The following CLN6 variants were observed in gnomAD, a reference collection of about 807,000 sequenced individuals.
CLN6 encodes CLN6 transmembrane ER protein, also known as ceroid-lipofuscinosis neuronal protein 6.
A neutral mutation model predicts 33.3 loss-of-function variants in CLN6; 22 were observed. The observed-to-expected ratio is 0.66, with a 90% CI of 0.47 to 0.94. CLN6 has a LOEUF of 0.94. Ranked by LOEUF, CLN6 falls within the 40% of genes least tolerant of loss-of-function variation. The probability of loss-of-function intolerance (pLI) is 0.00; values close to 1 mark genes in which losing one functional copy is unlikely to be tolerated. For missense variants in CLN6, 387 were observed against 417.1 expected, an observed-to-expected ratio of 0.93 and a Z score of 0.63; for synonymous variants, 201 against 174.6, an observed-to-expected ratio of 1.15 and a Z score of -1.19.
At position 68,256,666 on chromosome 15, in the gene CLN6, T is replaced by G. The variant is rs563621804; in HGVS notation, c.179+24A>C. 1.3e-5 allele frequency: 8 copies of G among 631,512 alleles called. No homozygotes were observed. The highest frequency in any genetic ancestry group is 2.5e-5 in the Admixed American group (1 of 39,232). 39.1% of individuals were successfully genotyped at this position (631,512 alleles called of 1,614,324 possible). A position where few individuals can be genotyped will look rare whatever the true frequency, so the allele number is the denominator to read the frequency against. On this transcript the variant is annotated intron_variant, in intron 1 of 6. Coordinates refer to the CLN6 transcript ENST00000538696. This position sits in a 1 kb window ranked among gnomAD's most constrained non-coding sequence, Gnocchi z 4.1. The stretch of plus-strand genomic sequence containing the variant: ...GGGCTTCGCCCTTGGTTTAATGCGC[T>G]GCTCTCATTGCCTTGAAACTTACTT...
chr15:68,210,306 C>A lies in CLN6; in HGVS notation c.543-547G>T, dbSNP rs2093201249. On this transcript the variant is annotated intron_variant, in intron 5 of 6. Coordinates refer to ENST00000249806, the MANE Select transcript of CLN6 (RefSeq NM_017882.3). The surrounding 1 kb of genome is among the most constrained non-coding windows in gnomAD (Gnocchi z 5.6). ...ACCTGTGCTTTCACCAGTATACCCG[C>A]CTGCCTCTTCTCACCCACACCCCCT... Among the ~76,000 whole-genome samples the A allele has an allele frequency of 1.3e-5, 2 of 152,060 alleles. No homozygotes were observed. Among genetic ancestry groups the A allele is most frequent in the Non-Finnish European group, 2.9e-5 (2 of 67,990 alleles).
intron 2 of CLN6, among the ~76,000 whole-genome samples, chr15:68,216,145 G>C (rs553411553): frequency 1.3e-5 from 2 of 152,278 alleles, no homozygotes; most frequent in African/African-American, 2.4e-5. Context: ...TGCCCAATAG[G>C]AGACCCTGTT....
chr15:68,256,103 A>C lies in CLN6; in HGVS notation c.179+587T>G, dbSNP rs1892432594. ...CGCCCCCAGCCTTTCCCCTCTTTTT[A>C]TTTTATTATTATTATTTTTTTGAGA... On this transcript the variant is annotated intron_variant, in intron 1 of 6. Transcript: ENST00000538696. The surrounding 1 kb of genome is among the most constrained non-coding windows in gnomAD (Gnocchi z 4.1). 6.7e-6 allele frequency among the ~76,000 whole-genome samples: 1 copy of C among 149,920 alleles called. No homozygotes were observed. Among genetic ancestry groups the C allele is most frequent in the Non-Finnish European group, 1.5e-5 (1 of 67,406 alleles).
chr15:68,214,545 G>A lies in CLN6; in HGVS notation c.199-157C>T, dbSNP rs1332657725. On this transcript the variant is annotated intron_variant, in intron 2 of 6. Transcript: ENST00000249806. ...CTTCCTGTGATCGCTGGACCTTCTC[G>A]GCAGCCTTGGGACAAAGGTTTATCC... 52 of 638,274 alleles carry A rather than the reference G, an allele frequency of 8.1e-5. No homozygotes were observed. In the East Asian group the frequency reaches 1.1e-3, roughly 13 times the overall value. The allele number at this position is 638,274 out of a possible 1,614,324, so 39.5% of individuals were successfully genotyped here.
chr15:68,208,401 G>T lies in CLN6; in HGVS notation c.675C>A (p.Val225=). The change falls in exon 7 of 7, where the codon GTC becomes GTA. Residue 225 remains valine, a synonymous_variant. Coordinates refer to ENST00000249806, the MANE Select transcript of CLN6 (RefSeq NM_017882.3). This position sits in a 1 kb window ranked among gnomAD's most constrained non-coding sequence, Gnocchi z 5.8. ...AGAGGATGAAGATCTGGCCCTCGGT[G>T]ACCAGGTACCTGGAAAGGCCAGGGG... ...APSGLYYWYL[V]TEGQIFILFI... The T allele has an allele frequency of 1.2e-6, 2 of 1,612,714 alleles. No individual in the cohort carries two copies. Among genetic ancestry groups the T allele is most frequent in the South Asian group, 2.2e-5 (2 of 90,992 alleles).
At chr15:68,225,631 C>A (rs1174020457) in intron 1 of CLN6, among the ~76,000 whole-genome samples, 1 of 152,162 alleles carries the variant, frequency 6.6e-6, no homozygotes, top group East Asian at 1.9e-4. Context: ...CACAGAAAGG[C>A]ATGTGCTGTC....
At chr15:68,218,740 C>G (rs529023604) in intron 1 of CLN6, 90 bp from the exon 2 acceptor site, 7 of 916,396 alleles carry the variant, frequency 7.6e-6, no homozygotes, top group East Asian at 7.6e-5. Context: ...GGTCTGGGGA[C>G]TTGAGGACAG....
chr15:68,254,743 A>G lies in CLN6; in HGVS notation c.179+1947T>C, dbSNP rs543698943. 8.8e-4 allele frequency: 670 copies of G among 764,562 alleles called. 10 individuals are homozygous for G. The highest frequency in any genetic ancestry group is 8.6e-3 in the South Asian group (637 of 74,236). 47.4% of individuals were successfully genotyped at this position (764,562 alleles called of 1,614,324 possible). A position where few individuals can be genotyped will look rare whatever the true frequency, so the allele number is the denominator to read the frequency against. ...CTGCTAAACCTGCTCCTCCAAAGCCAGAGCCCAAACCTAAAAAGGCCCCTG... is the reference window on the plus strand; with the variant it reads ...CTGCTAAACCTGCTCCTCCAAAGCCGGAGCCCAAACCTAAAAAGGCCCCTG... On this transcript the variant is annotated intron_variant, in intron 1 of 6. Coordinates refer to the CLN6 transcript ENST00000538696.
At chr15:68,215,742 A>G (rs1413420133) in intron 2 of CLN6, 1 of 152,246 alleles carries the variant, frequency 6.6e-6, no homozygotes, top group African/African-American at 2.4e-5. Flanking sequence ...ACATGCCACC[A>G]TGCCCACCAT....
rs555429097 is a variant in CLN6 at position 68,254,571 on chromosome 15, C to T, written c.179+2119G>A. The T allele has an allele frequency of 1.5e-5, 8 of 551,414 alleles. No individual in the cohort carries two copies. The South Asian group carries it at 1.6e-4, about 11-fold the overall frequency. The allele number at this position is 551,414 out of a possible 1,614,324, so 34.2% of individuals were successfully genotyped here. On this transcript the variant is annotated intron_variant, in intron 1 of 6. Transcript: ENST00000538696. ...AGTGTGAAAAAGAGGTGAGAACGAC[C>T]CCAGGACAGATCAAAGCCACGCTCC...
At chr15:68,217,436 C>T (rs1388668390) in intron 2 of CLN6, among the ~76,000 whole-genome samples, 5 of 152,142 alleles carry the variant, frequency 3.3e-5, no homozygotes, top group Non-Finnish European at 7.3e-5. Context: ...CATTATATTG[C>T]CCTGACTGAT....
At chr15:68,251,766 CTG>C (rs1207871303) in intron 1 of CLN6, among the ~76,000 whole-genome samples, 2 of 152,062 alleles carry the variant, frequency 1.3e-5, no homozygotes, top group Non-Finnish European at 2.9e-5. Flanking sequence ...GAAAACAGTA[CTG>C]TCATTATTTG....
At chr15:68,245,929 A>C (rs1178173919) in intron 1 of CLN6, among the ~76,000 whole-genome samples, 2 of 152,202 alleles carry the variant, frequency 1.3e-5, no homozygotes, top group African/African-American at 4.8e-5. Flanking sequence ...CTTATATTAC[A>C]TAAAATAGAC....
Position 68,209,596 on chromosome 15 carries a change from T to C in CLN6, c.665+41A>G, listed in dbSNP as rs372815843. 3.7e-6 allele frequency: 6 copies of C among 1,609,154 alleles called. No homozygotes were observed. In the African/African-American group the frequency reaches 8.0e-5, roughly 22 times the overall value. On this transcript the variant is annotated intron_variant, in intron 6 of 6. Coordinates refer to ENST00000249806, the MANE Select transcript of CLN6 (RefSeq NM_017882.3). This position sits in a 1 kb window ranked among gnomAD's most constrained non-coding sequence, Gnocchi z 4.9. ...GCAGAATTTTGCTGCCGTGGCTCTC[T>C]CAGTGCCCCTGCCTCTGCCCCCATG...
chr15:68,220,237 G>C lies in CLN6; in HGVS notation c.84-1587C>G, dbSNP rs2093231816. On this transcript the variant is annotated intron_variant, in intron 1 of 6. Coordinates refer to ENST00000249806, the MANE Select transcript of CLN6 (RefSeq NM_017882.3). This position sits in a 1 kb window ranked among gnomAD's most constrained non-coding sequence, Gnocchi z 4.2. Reference sequence around the variant, plus strand: ...ACTCGGTATCTTCCACCCCCTCACTGAACACCAACTATGTGCAATGCTAGG... The same window carrying C: ...ACTCGGTATCTTCCACCCCCTCACTCAACACCAACTATGTGCAATGCTAGG... 6.6e-6 allele frequency among the ~76,000 whole-genome samples: 1 copy of C among 152,126 alleles called. No individual in the cohort carries two copies. Among genetic ancestry groups the C allele is most frequent in the African/African-American group, 2.4e-5 (1 of 41,412 alleles).
chr15:68,237,888 G>T (rs1280631134), intron 1 of CLN6, among the ~76,000 whole-genome samples: 4 of 152,194 alleles, frequency 2.6e-5, no homozygotes, highest in Admixed American at 1.3e-4. Flanking sequence ...ACTTTGGGCG[G>T]CCGAGGCGGG....
chr15:68,218,520 A>C lies in CLN6; in HGVS notation c.198+16T>G. The stretch of plus-strand genomic sequence containing the variant: ...CTCAGTGCTGGTCAGAGCCCTGTGC[A>C]CCATTTCACACTCACCATGGCAATG... On this transcript the variant is annotated intron_variant, in intron 2 of 6. Transcript: ENST00000249806. 1 of 1,569,310 alleles carries C rather than the reference A, an allele frequency of 6.4e-7. No homozygotes were observed.
In CLN6 at chr15:68,207,704, A is replaced by G. The variant is rs969916372; in HGVS notation, c.*436T>C. ...GTAATGTAGGGTCAGGGTGGGCCTG[A>G]GGGATGAGCCAGGTGGTGGGCAGGT... On this transcript the variant is annotated 3_prime_UTR_variant, in exon 7 of 7. Coordinates refer to ENST00000249806, the MANE Select transcript of CLN6 (RefSeq NM_017882.3). 2 of 285,750 alleles carry G rather than the reference A, an allele frequency of 7.0e-6. No individual in the cohort carries two copies. The highest frequency in any genetic ancestry group is 4.4e-5 in the African/African-American group (2 of 45,948). 17.7% of individuals were successfully genotyped at this position (285,750 alleles called of 1,614,324 possible).
rs557725499 is a variant in CLN6, at chr15:68,255,304, C to G, written c.179+1386G>C. The stretch of plus-strand genomic sequence containing the variant: ...CCTTAAACCCAGACACCTGTTGGAC[C>G]TGACCCCCCCCAATAATTGGTTACT... On this transcript the variant is annotated intron_variant, in intron 1 of 6. Transcript: ENST00000538696. 5.8e-4 allele frequency among the ~76,000 whole-genome samples: 23 copies of G among 39,554 alleles called. No homozygotes were observed. In the East Asian group the frequency reaches 0.037, roughly 63 times the overall value. 25.9% of individuals were successfully genotyped at this position (39,554 alleles called of 152,430 possible).
Sources: gnomAD v4.1 joint callset for allele counts (sites outside exome capture counted in the v4.1 genomes callset) on GRCh38, gnomAD v4.1.1 for gene constraint, Gnocchi (gnomAD v3.1) non-coding constraint, MANE v1.5 for transcripts, NCBI Gene and HGNC (gene_info 2026-07-23, HGNC 2026-07-21) for gene names.